The following SCN10A variants were observed in gnomAD, a reference collection of about 807,000 sequenced individuals.
SCN10A encodes the protein sodium channel protein type 10 subunit alpha.
In SCN10A, 162 loss-of-function variants were observed where a neutral mutation model predicts 170.7. The observed-to-expected ratio is 0.95, with a 90% CI of 0.84 to 1.08. SCN10A has a LOEUF of 1.08. SCN10A is among the 50% of genes least tolerant of loss of function. SCN10A has a pLI of 0.00. For missense variants in SCN10A, 2,527 were observed against 2,436.9 expected, an observed-to-expected ratio of 1.04 and a Z score of -0.78; for synonymous variants, 985 against 904.6, an observed-to-expected ratio of 1.09 and a Z score of -1.59.
chr3:38,763,303 G>A (rs1226238632), intron 6 of SCN10A, among the ~76,000 whole-genome samples: 1 of 152,132 alleles, frequency 6.6e-6, no homozygotes, highest in African/African-American at 2.4e-5. Flanking sequence ...CTAGGAGTTG[G>A]GACAATAGGC....
At chr3:38,746,100 TGCC>T (rs2063687455) in intron 13 of SCN10A, among the ~76,000 whole-genome samples, 395 of 99,398 alleles carry the variant, frequency 4.0e-3, no homozygotes, top group Non-Finnish European at 5.5e-3. Flanking sequence ...TATATATATA[TGCC>T]ATCTTTGTCA....
chr3:38,712,542 C>G, intron 22 of SCN10A, 97 bp from the exon 23 acceptor site: 1 of 1,291,742 alleles, frequency 7.7e-7, no homozygotes, highest in Non-Finnish European at 1.1e-6. Flanking sequence ...GCTTCATGAG[C>G]CAGTGGCCTT....
At chr3:38,762,935 T>A (rs1479029736) in intron 6 of SCN10A, among the ~76,000 whole-genome samples, 1 of 152,124 alleles carries the variant, frequency 6.6e-6, no homozygotes, top group Non-Finnish European at 1.5e-5. Context: ...ATCAACCTCA[T>A]GGGGGCTGAA....
At chr3:38,753,592 C>A (rs541087152) in intron 11 of SCN10A, among the ~76,000 whole-genome samples, 7 of 152,112 alleles carry the variant, frequency 4.6e-5, no homozygotes, top group Non-Finnish European at 7.4e-5. Context: ...GTACTCTCTG[C>A]CTGTAATACA....
At chr3:38,815,273 AC>A (rs112694926) in intron 1 of SCN10A, among the ~76,000 whole-genome samples, 15,975 of 152,224 alleles carry the variant, frequency 0.1, 915 homozygotes, top group South Asian at 0.19. Flanking sequence ...ACCCTTGGAT[AC>A]CTGGGCTTGT....
chr3:38,726,500 C>T, intron 17 of SCN10A, 106 bp downstream of exon 17: 3 of 925,118 alleles, frequency 3.2e-6, no homozygotes, highest in Non-Finnish European at 4.7e-6. Flanking sequence ...ATGGTTTAAA[C>T]TTCTTTATGT....
rs1256986487 is a variant in SCN10A at position 38,756,702 on chromosome 3, G to C, written c.1262C>G (p.Ala421Gly). The change falls in exon 10 of 28, where the codon GCC (alanine) becomes GGC (glycine). Residue 421 changes from alanine to glycine, a missense_variant. Ala to Gly is a moderately conservative substitution (Grantham distance 60). Coordinates refer to ENST00000449082, the MANE Select transcript of SCN10A (RefSeq NM_006514.4). ...IEAKEKKFQE[A>G]LEMLRKEQEV... ...CTGCTCCTTCCGGAGCATCTCGAGG[G>C]CCTCCTGGAACTTCTTCTCCTTTGC... 1.2e-6 allele frequency: 2 copies of C among 1,613,870 alleles called. No individual in the cohort carries two copies. The highest frequency in any genetic ancestry group is 2.7e-5 in the African/African-American group (2 of 74,902).
intron 4 of SCN10A, among the ~76,000 whole-genome samples, chr3:38,772,545 C>T (rs1448786931): frequency 1.3e-5 from 2 of 151,926 alleles, no homozygotes; most frequent in Admixed American, 6.6e-5. Context: ...AAAAATTAGC[C>T]GGGCGCCTTG....
At chr3:38,768,632 T>C (rs2063962389) in intron 5 of SCN10A, among the ~76,000 whole-genome samples, 1 of 152,212 alleles carries the variant, frequency 6.6e-6, no homozygotes, top group Non-Finnish European at 1.5e-5. Context: ...GTAAATCAGA[T>C]AACCTTTCCT....
intron 10 of SCN10A, 46 bp downstream of exon 10, chr3:38,756,628 T>C (rs1448569137): frequency 6.7e-7 from 1 of 1,500,952 alleles, no homozygotes; most frequent in Non-Finnish European, 9.2e-7. Flanking sequence ...TATCCAAGAA[T>C]GGACAGTCTG....
rs759831926 is a variant in SCN10A at position 38,722,781 on chromosome 3, C to T, written c.3353-369G>A. Among the ~76,000 whole-genome samples, 3 of 152,168 alleles carry T rather than the reference C, an allele frequency of 2.0e-5. No individual in the cohort carries two copies. The East Asian group carries it at 5.8e-4, about 29-fold the overall frequency. ...CAAGCCCAAGCTGAACTGAGGGCCA[C>T]GACGTGGCTGGGATGGGGATTGGGT... On this transcript the variant is annotated intron_variant, in intron 19 of 27. Coordinates refer to ENST00000449082, the MANE Select transcript of SCN10A (RefSeq NM_006514.4).
intron 8 of SCN10A, among the ~76,000 whole-genome samples, chr3:38,759,742 A>G (rs2063847504): frequency 6.6e-6 from 1 of 152,216 alleles, no homozygotes; most frequent in Non-Finnish European, 1.5e-5. Flanking sequence ...AAGTTGGAAG[A>G]GCTGGAAACA....
intron 1 of SCN10A, among the ~76,000 whole-genome samples, chr3:38,810,850 C>A (rs2064437070): frequency 6.6e-6 from 1 of 152,208 alleles, no homozygotes; most frequent in Non-Finnish European, 1.5e-5. Context: ...ATTTTGCAAA[C>A]ATTGTAGCAT....
chr3:38,720,464 T>G (rs560367843), intron 20 of SCN10A, among the ~76,000 whole-genome samples: 129 of 152,374 alleles, frequency 8.5e-4, no homozygotes, highest in Admixed American at 1.1e-3. Context: ...ATGGATGATT[T>G]TTTTTTCTTT....
At chr3:38,737,299 C>T (rs925499452) in intron 15 of SCN10A, among the ~76,000 whole-genome samples, 76 of 151,860 alleles carry the variant, frequency 5.0e-4, no homozygotes, top group African/African-American at 1.6e-3. Context: ...TAACTGTGGG[C>T]CTGCCAGGGT....
At chr3:38,797,152 A>G (rs2064345615) in intron 1 of SCN10A, among the ~76,000 whole-genome samples, 1 of 152,030 alleles carries the variant, frequency 6.6e-6, no homozygotes, top group African/African-American at 2.4e-5. Flanking sequence ...CAGTGCTTAA[A>G]TCAAATACCC....
chr3:38,807,665 C>T (rs143749707), intron 1 of SCN10A, among the ~76,000 whole-genome samples: 4 of 152,266 alleles, frequency 2.6e-5, no homozygotes, highest in Admixed American at 6.5e-5. Flanking sequence ...GTATAATCTC[C>T]TCTCATGGTC....
At position 38,713,968 on chromosome 3, in the gene SCN10A, T is replaced by G; in HGVS notation, c.3794A>C (p.Glu1265Ala). The part of the protein sequence containing the change: ...LRPLRALSRF[E>A]GMRVVVDALV... ...TGAGATCAGACTTACCCGCATGCCT[T>G]CAAATCGAGAAAGAGCCCGCAGTGG... Residue 1265 changes from glutamate to alanine, a missense_variant, in exon 22 of 28, where the codon GAA (glutamate) becomes GCA (alanine). Coordinates refer to ENST00000449082, the MANE Select transcript of SCN10A (RefSeq NM_006514.4). 1 of 1,613,530 alleles carries G rather than the reference T, an allele frequency of 6.2e-7. No individual in the cohort carries two copies. Among genetic ancestry groups the G allele is most frequent in the Admixed American group, 1.7e-5 (1 of 60,032 alleles).
At chr3:38,788,573 G>A (rs1575179863) in intron 4 of SCN10A, among the ~76,000 whole-genome samples, 1 of 147,898 alleles carries the variant, frequency 6.8e-6, no homozygotes, top group African/African-American at 2.5e-5. Context: ...CTTCTCTAAG[G>A]CATACATTTG....
Sources: allele counts gnomAD v4.1 joint callset (sites outside exome capture counted in the v4.1 genomes callset), GRCh38; gene constraint gnomAD v4.1.1; transcripts MANE v1.5; gene names NCBI Gene and HGNC (gene_info 2026-07-23, HGNC 2026-07-21).